DCDC2: variants seen among roughly 807,000 people sequenced by gnomAD.
The protein encoded by DCDC2 is doublecortin domain containing 2.
Under a neutral mutation model 50.2 loss-of-function variants are expected in DCDC2, and 40 were observed. The ratio of observed to expected loss-of-function variants is 0.80; its 90% CI spans 0.62 to 1.04. The LOEUF is 1.04. DCDC2 is among the 50% of genes least tolerant of loss of function. DCDC2 has a pLI of 0.00. For synonymous variants in DCDC2, 234 were observed against 210.6 expected (o/e 1.11, Z -0.96); for missense variants, 570 against 581.9 (o/e 0.98, Z 0.21).
At chr6:24,381,957 AAAGAAGGAAGGAAGG>A in the DCDC2 span, among the ~76,000 whole-genome samples, 1 of 138,222 alleles carries the variant, frequency 7.2e-6, no homozygotes, top group African/African-American at 2.9e-5. Context: ...AGAAGGAAAG[AAAGAAGGAAGGAAGG>A]AAGGAAGGAA....
At chr6:24,202,346 G>A (rs947869698) in intron 8 of DCDC2, among the ~76,000 whole-genome samples, 5 of 152,048 alleles carry the variant, frequency 3.3e-5, no homozygotes, top group Non-Finnish European at 5.9e-5. Context: ...ATCAATAAAC[G>A]TAATCCATCA....
At chr6:24,250,089 C>G (rs73726634) in intron 7 of DCDC2, among the ~76,000 whole-genome samples, 2 of 151,992 alleles carry the variant, frequency 1.3e-5, no homozygotes, top group Admixed American at 1.3e-4. Context: ...ATTTTTTACC[C>G]GGGTCCCGGC....
intron 7 of DCDC2, among the ~76,000 whole-genome samples, chr6:24,263,091 G>A (rs1661208785): frequency 6.6e-6 from 1 of 152,238 alleles, no homozygotes; most frequent in Non-Finnish European, 1.5e-5. Flanking sequence ...TGGTAATGCA[G>A]GGAATTCTCT....
intron 7 of DCDC2, among the ~76,000 whole-genome samples, chr6:24,233,926 G>T (rs990082382): frequency 1.3e-5 from 2 of 152,156 alleles, no homozygotes; most frequent in African/African-American, 2.4e-5. Flanking sequence ...AACATTTACT[G>T]AGTATCTACT....
chr6:24,304,937 G>A (rs1759443849), intron 2 of DCDC2, among the ~76,000 whole-genome samples: 1 of 152,088 alleles, frequency 6.6e-6, no homozygotes. Flanking sequence ...AGCTAGCAAT[G>A]CACTAAGCAC....
At position 24,193,565 on chromosome 6, in the gene DCDC2, T is replaced by C. The variant is rs768128370; in HGVS notation, c.1023+11437A>G. 3.9e-4 allele frequency among the ~76,000 whole-genome samples: 59 copies of C among 152,052 alleles called. 2 individuals are homozygous for C. The highest frequency in any genetic ancestry group is 1.3e-3 in the African/African-American group (54 of 41,466). On this transcript the variant is annotated intron_variant, in intron 8 of 9. Coordinates refer to ENST00000378454, the MANE Select transcript of DCDC2 (RefSeq NM_016356.5). Reference sequence around the variant, plus strand: ...ATATAAAACAAAGCAAGTGAAAAAATAGGTAATTATTAACCTAGGCAACAG... The same window carrying C: ...ATATAAAACAAAGCAAGTGAAAAAACAGGTAATTATTAACCTAGGCAACAG...
At chr6:24,190,171 A>C (rs540181079) in intron 8 of DCDC2, among the ~76,000 whole-genome samples, 6 of 152,162 alleles carry the variant, frequency 3.9e-5, no homozygotes, top group African/African-American at 1.4e-4. Context: ...ACAGAAGAAG[A>C]GTGAAGCTGT....
intron 2 of DCDC2, 174 bp downstream of exon 2, chr6:24,353,395 A>C (rs1760407414): frequency 9.2e-6 from 6 of 649,714 alleles, no homozygotes; most frequent in Non-Finnish European, 1.7e-5. Flanking sequence ...CAGTCTTTTC[A>C]TTTCTGACAA....
chr6:24,240,146 A>G (rs575051348), intron 7 of DCDC2, among the ~76,000 whole-genome samples: 2 of 152,340 alleles, frequency 1.3e-5, no homozygotes, highest in South Asian at 4.1e-4. Context: ...ACTGAGATTA[A>G]CCAATTAGAA....
chr6:24,275,866 ATTTTTT>A (rs10685261), intron 7 of DCDC2, among the ~76,000 whole-genome samples: 1 of 108,120 alleles, frequency 9.2e-6, no homozygotes. Context: ...CAATAATTCA[ATTTTTT>A]TTTTTTTTTT....
intron 2 of DCDC2, among the ~76,000 whole-genome samples, chr6:24,325,514 C>T (rs1302725499): frequency 1.3e-5 from 2 of 149,392 alleles, no homozygotes; most frequent in African/African-American, 2.4e-5. Flanking sequence ...GACCTGATGG[C>T]CCCATTTCTG....
chr6:24,180,858 G>C lies in DCDC2; in HGVS notation c.1024-2226C>G, dbSNP rs541845911. 5.9e-5 allele frequency among the ~76,000 whole-genome samples: 9 copies of C among 152,188 alleles called. No individual in the cohort carries two copies. The East Asian group carries it at 1.4e-3, about 23-fold the overall frequency. ...GTAAGGAAGGAAATGAAGGGGACAA[G>C]ACTAAAAGTTCAGAAAAAAATTCCA... On this transcript the variant is annotated intron_variant, in intron 8 of 9. Transcript: ENST00000378454.
chr6:24,189,124 G>T (rs1761262996), intron 8 of DCDC2, among the ~76,000 whole-genome samples: 1 of 152,124 alleles, frequency 6.6e-6, no homozygotes, highest in Non-Finnish European at 1.5e-5. Flanking sequence ...TATTTTGCCT[G>T]AGTTTGCCTC....
chr6:24,278,284 A>C, intron 6 of DCDC2, 73 bp from the exon 7 acceptor site: 22 of 1,392,550 alleles, frequency 1.6e-5, no homozygotes, highest in South Asian at 2.9e-5. Context: ...AATACATGTC[A>C]TTAACTACTG....
intron 7 of DCDC2, among the ~76,000 whole-genome samples, chr6:24,264,108 A>AG (rs1246614144): frequency 6.6e-6 from 1 of 152,232 alleles, no homozygotes; most frequent in Admixed American, 6.5e-5. Flanking sequence ...AGAAAAAAAA[A>AG]CTTTTATCCT....
chr6:24,230,535 T>C (rs1395556211), intron 7 of DCDC2, among the ~76,000 whole-genome samples: 1 of 152,116 alleles, frequency 6.6e-6, no homozygotes, highest in Non-Finnish European at 1.5e-5. Context: ...TCCCAGCTAC[T>C]TGATAGGCTG....
At chr6:24,358,459 T>C (rs1179238376), upstream of DCDC2, among the ~76,000 whole-genome samples, 1 of 142,854 alleles carries the variant, frequency 7.0e-6, no homozygotes, top group Non-Finnish European at 1.5e-5. Flanking sequence ...ATAACGCGCC[T>C]GTGATCCCCT....
At chr6:24,329,341 CTGAG>C (rs549904090) in intron 2 of DCDC2, among the ~76,000 whole-genome samples, 8 of 152,198 alleles carry the variant, frequency 5.3e-5, no homozygotes, top group East Asian at 1.9e-4. Flanking sequence ...GTTTGTTTTC[CTGAG>C]TATGTAAGTA....
Position 24,228,309 on chromosome 6 carries a change from A to C in DCDC2, c.923-23207T>G, listed in dbSNP as rs545093075. On this transcript the variant is annotated intron_variant, in intron 7 of 9. Coordinates refer to ENST00000378454, the MANE Select transcript of DCDC2 (RefSeq NM_016356.5). Reference sequence around the variant, plus strand: ...GCAGAAATTTACTCATTGGTTTTTTAAATGAAGGCACTGTTTACAGCATTA... The same window carrying C: ...GCAGAAATTTACTCATTGGTTTTTTCAATGAAGGCACTGTTTACAGCATTA... 9.8e-5 allele frequency among the ~76,000 whole-genome samples: 15 copies of C among 152,380 alleles called. 1 individual carries two copies. The South Asian group carries it at 2.9e-3, about 29-fold the overall frequency.
Sources: gnomAD v4.1 joint callset for allele counts (sites outside exome capture counted in the v4.1 genomes callset) on GRCh38, gnomAD v4.1.1 for gene constraint, MANE v1.5 for transcripts, NCBI Gene and HGNC (gene_info 2026-07-23, HGNC 2026-07-21) for gene names.